Variants in ARHGAP12 observed in about 807,000 individuals in gnomAD.
ARHGAP12 encodes the protein rho GTPase-activating protein 12.
Under a neutral mutation model 108.6 loss-of-function variants are expected in ARHGAP12, and 64 were observed. That is an observed-to-expected ratio of 0.59 (90% confidence interval 0.48 to 0.73). The LOEUF (loss-of-function observed/expected upper bound fraction) is 0.73, where lower values mean the gene tolerates loss of function less well. Among genes scored for constraint, ARHGAP12 ranks in the 30% least tolerant of loss-of-function variants. The pLI is 0.00. For missense variants in ARHGAP12, 940 were observed against 1,005.9 expected (o/e 0.93, Z 0.89); for synonymous variants, 312 against 337.2 (o/e 0.93, Z 0.82).
At chr10:31,887,078 T>G (rs1026291179) in intron 3 of ARHGAP12, among the ~76,000 whole-genome samples, 1 of 152,194 alleles carries the variant, frequency 6.6e-6, no homozygotes, top group African/African-American at 2.4e-5. Context: ...AGAAAGAGAT[T>G]TATTTTAAGA....
intron 7 of ARHGAP12, among the ~76,000 whole-genome samples, chr10:31,841,470 C>T (rs1014070210): frequency 6.6e-6 from 1 of 152,122 alleles, no homozygotes; most frequent in Non-Finnish European, 1.5e-5. Flanking sequence ...TAACAATATT[C>T]AATATGACAC....
intron 15 of ARHGAP12, 30 bp downstream of exon 15, chr10:31,812,677 A>G (rs1835064250): frequency 7.4e-7 from 1 of 1,360,096 alleles, no homozygotes; most frequent in Non-Finnish European, 1.0e-6. Context: ...GCCAACATTC[A>G]TTATTATCAA....
intron 1 of ARHGAP12, among the ~76,000 whole-genome samples, chr10:31,918,854 TACC>T (rs1839673105): frequency 6.6e-6 from 1 of 152,176 alleles, no homozygotes; most frequent in Non-Finnish European, 1.5e-5. Flanking sequence ...AAAATACAAT[TACC>T]ACATTATCCA....
chr10:31,824,668 CA>C (rs1281918056), intron 11 of ARHGAP12, among the ~76,000 whole-genome samples: 1 of 152,076 alleles, frequency 6.6e-6, no homozygotes, highest in Non-Finnish European at 1.5e-5. Context: ...TCTTTAAATT[CA>C]AAATAAGTTT....
At chr10:31,822,244 G>C (rs1835442979) in intron 11 of ARHGAP12, among the ~76,000 whole-genome samples, 1 of 152,186 alleles carries the variant, frequency 6.6e-6, no homozygotes. Context: ...AACACATACA[G>C]TGACAGCTGA....
chr10:31,820,288 C>G lies in ARHGAP12; in HGVS notation c.1632+99G>C, dbSNP rs1220044243. 5 of 880,024 alleles carry G rather than the reference C, an allele frequency of 5.7e-6. No homozygotes were observed. The East Asian group carries it at 1.5e-4, about 27-fold the overall frequency. 54.5% of individuals were successfully genotyped at this position (880,024 alleles called of 1,614,324 possible). Reference sequence around the variant, plus strand: ...AACTTAATCACCAACTTTGCCTTAACTAGTCACAATGAAAGACTATTTCCC... The same window carrying G: ...AACTTAATCACCAACTTTGCCTTAAGTAGTCACAATGAAAGACTATTTCCC... On this transcript the variant is annotated intron_variant, in intron 12 of 19. Transcript: ENST00000344936.
intron 15 of ARHGAP12, among the ~76,000 whole-genome samples, chr10:31,811,458 C>T (rs1472151638): frequency 6.7e-6 from 1 of 150,332 alleles, no homozygotes; most frequent in Non-Finnish European, 1.5e-5. Context: ...TGAATAAGGA[C>T]ATAAAGTGAC....
At chr10:31,871,186 C>G (rs1353821029) in intron 3 of ARHGAP12, among the ~76,000 whole-genome samples, 1 of 152,196 alleles carries the variant, frequency 6.6e-6, no homozygotes, top group Non-Finnish European at 1.5e-5. Context: ...AAGGGCACTT[C>G]AAGCACAAGC....
intron 3 of ARHGAP12, among the ~76,000 whole-genome samples, chr10:31,884,710 C>T (rs888135509): frequency 3.9e-5 from 6 of 152,180 alleles, no homozygotes; most frequent in Admixed American, 3.9e-4. Flanking sequence ...CGCTTATCTT[C>T]CAAATGTTGA....
At chr10:31,847,716 ACTGTGGGTC>A (rs1411142195) in intron 6 of ARHGAP12, among the ~76,000 whole-genome samples, 1 of 152,102 alleles carries the variant, frequency 6.6e-6, no homozygotes, top group African/African-American at 2.4e-5. Flanking sequence ...CCTTGCATGC[ACTGTGGGTC>A]TAGTCAACAG....
chr10:31,850,786 T>C (rs576913380), intron 6 of ARHGAP12, among the ~76,000 whole-genome samples: 68 of 152,284 alleles, frequency 4.5e-4, no homozygotes, highest in Non-Finnish European at 7.8e-4. Context: ...TGCTAAGCTA[T>C]GGTTCTTCAG....
At chr10:31,875,401 T>A (rs564674245) in intron 3 of ARHGAP12, among the ~76,000 whole-genome samples, 6 of 152,118 alleles carry the variant, frequency 3.9e-5, no homozygotes, top group Non-Finnish European at 7.4e-5. Flanking sequence ...TAAGCAGAAA[T>A]GAAGTCACTA....
chr10:31,872,608 T>G (rs775522870), intron 3 of ARHGAP12, among the ~76,000 whole-genome samples: 6 of 152,184 alleles, frequency 3.9e-5, no homozygotes, highest in Non-Finnish European at 7.4e-5. Flanking sequence ...ATAACTAAAA[T>G]CACCCATGGG....
chr10:31,842,864 A>G (rs1343211840), intron 7 of ARHGAP12, among the ~76,000 whole-genome samples: 1 of 152,100 alleles, frequency 6.6e-6, no homozygotes, highest in African/African-American at 2.4e-5. Context: ...AGTAACCTCT[A>G]AAGAAGTGTT....
intron 1 of ARHGAP12, among the ~76,000 whole-genome samples, chr10:31,917,660 T>C (rs1592382906): frequency 6.6e-6 from 1 of 152,214 alleles, no homozygotes; most frequent in East Asian, 1.9e-4. Flanking sequence ...TTTAAAAAGA[T>C]ATAATCCACA....
At chr10:31,923,540 T>C (rs1385257089) in intron 1 of ARHGAP12, among the ~76,000 whole-genome samples, 1 of 152,160 alleles carries the variant, frequency 6.6e-6, no homozygotes, top group African/African-American at 2.4e-5. Context: ...CGCAAGTCAA[T>C]CAACAATTGA....
chr10:31,878,026 G>C (rs1474976147), intron 3 of ARHGAP12, among the ~76,000 whole-genome samples: 1 of 152,104 alleles, frequency 6.6e-6, no homozygotes, highest in Non-Finnish European at 1.5e-5. Flanking sequence ...TGAGGCTGCA[G>C]TAAGCTCCAG....
At chr10:31,892,470 AG>A (rs1188601808) in intron 3 of ARHGAP12, among the ~76,000 whole-genome samples, 3 of 152,354 alleles carry the variant, frequency 2.0e-5, no homozygotes, top group East Asian at 3.9e-4. Flanking sequence ...CTGATAAAAC[AG>A]ACTTTAAACC....
chr10:31,889,190 A>T (rs1321772342), intron 3 of ARHGAP12, among the ~76,000 whole-genome samples: 1 of 152,192 alleles, frequency 6.6e-6, no homozygotes, highest in African/African-American at 2.4e-5. Context: ...GCGATTACAG[A>T]CGTGAGCCAC....
Sources: allele counts gnomAD v4.1 joint callset (sites outside exome capture counted in the v4.1 genomes callset), GRCh38; gene constraint gnomAD v4.1.1; transcripts MANE v1.5; gene names NCBI Gene and HGNC (gene_info 2026-07-23, HGNC 2026-07-21).